The following USP54 variants were observed in gnomAD, a reference collection of about 807,000 sequenced individuals.
The protein encoded by USP54 is ubiquitin specific peptidase 54.
USP54 carries 87 observed loss-of-function variants against 170.5 expected under a neutral mutation model. The ratio of observed to expected loss-of-function variants is 0.51; its 90% CI spans 0.43 to 0.61. USP54 has a LOEUF of 0.61. Among genes scored for constraint, USP54 ranks in the 20% least tolerant of loss-of-function variants. USP54 has a pLI of 0.00. For missense variants in USP54, 1,786 were observed against 2,047.8 expected, an observed-to-expected ratio of 0.87 and a Z score of 2.47; for synonymous variants, 655 against 742.8, an observed-to-expected ratio of 0.88 and a Z score of 1.92.
chr10:73,613,409 G>T (rs997384876), intron 1 of USP54, among the ~76,000 whole-genome samples: 4 of 151,096 alleles, frequency 2.6e-5, no homozygotes, highest in Non-Finnish European at 5.9e-5. Flanking sequence ...AAGTGCTGGG[G>T]TTACAGGCGT....
chr10:73,499,609 T>A (rs956245521), intron 23 of USP54: 1 of 159,482 alleles, frequency 6.3e-6, no homozygotes, highest in South Asian at 1.7e-4. Flanking sequence ...GGGATCTCAC[T>A]GTGTTGCCCA....
chr10:73,571,650 TA>T, intron 3 of USP54, 137 bp from the exon 4 acceptor site: 1 of 589,836 alleles, frequency 1.7e-6, no homozygotes, highest in Non-Finnish European at 2.9e-6. Context: ...TCTAGTATAT[TA>T]AAACAAATGT....
intron 1 of USP54, among the ~76,000 whole-genome samples, chr10:73,598,761 A>G (rs2078939999): frequency 6.6e-6 from 1 of 152,192 alleles, no homozygotes; most frequent in Non-Finnish European, 1.5e-5. Flanking sequence ...AATAAAAATA[A>G]AAATAAAAAT....
Position 73,498,543 on chromosome 10 carries a change from G to A in USP54, c.*86C>T. The A allele has an allele frequency of 7.4e-7, 1 of 1,356,914 alleles. No homozygotes were observed. The highest frequency in any genetic ancestry group is 9.9e-7 in the Non-Finnish European group (1 of 1,012,154). The allele number at this position is 1,356,914 out of a possible 1,614,324, so 84.1% of individuals were successfully genotyped here. On this transcript the variant is annotated 3_prime_UTR_variant, in exon 24 of 24. Coordinates refer to ENST00000687698, the MANE Select transcript of USP54 (RefSeq NM_001391956.1). ...CCCGCCTCAGCCTCCCAAAGTGCTG[G>A]GATTACAGGTGTGAGCCACCGCGCC... is the stretch of plus-strand genomic sequence containing the variant.
chr10:73,569,902 C>CA (rs34676499), intron 4 of USP54, among the ~76,000 whole-genome samples: 261 of 18,694 alleles, frequency 0.014, 65 homozygotes, highest in Non-Finnish European at 0.024. Flanking sequence ...ATTTCATCTC[C>CA]AAAAAAAAAA....
In USP54 at chr10:73,498,664, T is replaced by C; in HGVS notation, c.5020A>G (p.Ile1674Val). ...VLSDAPRREQ[I>V]RARVLQHSQW is the part of the protein sequence containing the mutation. ...CTGTGCTGCAGGACTCTAGCCCTGA[T>C]CTGCTCTCTTCTGGGAGCATCTGAT... Residue 1674 changes from isoleucine to valine, a missense_variant, in exon 24 of 24, where the codon ATC becomes GTC. Physicochemically the swap from Ile to Val is conservative, Grantham distance 29 (BLOSUM62 3). Transcript: ENST00000687698. 1.3e-6 allele frequency: 2 copies of C among 1,578,226 alleles called. No individual in the cohort carries two copies. Among genetic ancestry groups the C allele is most frequent in the Non-Finnish European group, 8.6e-7 (1 of 1,161,282 alleles).
At chr10:73,620,708 C>T (rs1449024416) in intron 1 of USP54, among the ~76,000 whole-genome samples, 6 of 150,266 alleles carry the variant, frequency 4.0e-5, no homozygotes, top group African/African-American at 1.3e-4. Flanking sequence ...GAGGCCAAAG[C>T]GGGTCAATCA....
At chr10:73,530,654 G>A (rs757754402) in intron 13 of USP54, 50 bp downstream of exon 13, 1 of 1,607,386 alleles carries the variant, frequency 6.2e-7, no homozygotes, top group Non-Finnish European at 8.5e-7. Context: ...CATGACAGAA[G>A]TTTGATAGAG....
intron 1 of USP54, among the ~76,000 whole-genome samples, chr10:73,617,756 T>A (rs1048238834): frequency 3.4e-5 from 5 of 149,250 alleles, no homozygotes; most frequent in African/African-American, 2.6e-5. Flanking sequence ...AAAACTTTTT[T>A]AAAATTAGCT....
intron 1 of USP54, among the ~76,000 whole-genome samples, chr10:73,584,351 G>A (rs2077235913): frequency 6.6e-6 from 1 of 152,050 alleles, no homozygotes; most frequent in South Asian, 2.1e-4. Context: ...TCACGCCACT[G>A]CACTCCAGCC....
Position 73,530,371 on chromosome 10 carries a change from C to T in USP54, c.1600G>A (p.Gly534Ser). 3.1e-6 allele frequency: 5 copies of T among 1,614,046 alleles called. No individual in the cohort carries two copies. The highest frequency in any genetic ancestry group is 3.4e-6 in the Non-Finnish European group (4 of 1,180,016). ...TTGTCAGGCTGGTCTCCTCCTCTGCCCCTGCAGTGAGAGCCTACATTGGTC... is the reference window on the plus strand; with the variant it reads ...TTGTCAGGCTGGTCTCCTCCTCTGCTCCTGCAGTGAGAGCCTACATTGGTC... ...SQTNVGSHCR[G>S]RGGDQPDKKP... is the part of the protein sequence containing the mutation. The change falls in exon 14 of 24, where the codon GGC becomes AGC. Residue 534 changes from glycine to serine, a missense_variant. Transcript: ENST00000687698.
intron 15 of USP54, among the ~76,000 whole-genome samples, chr10:73,527,413 G>T (rs764026831): frequency 6.7e-5 from 10 of 149,398 alleles, no homozygotes; most frequent in Admixed American, 4.7e-4. Context: ...CAGGAGAATC[G>T]CTTGAACCCA....
chr10:73,614,517 G>A lies in USP54; in HGVS notation c.-18+11050C>T, dbSNP rs150351262. Among the ~76,000 whole-genome samples the A allele has an allele frequency of 1.5e-4, 20 of 130,818 alleles. 1 individual carries two copies. The highest frequency in any genetic ancestry group is 5.5e-4 in the African/African-American group (17 of 30,972). The allele number at this position is 130,818 out of a possible 152,430, so 85.8% of individuals were successfully genotyped here. A position where few individuals can be genotyped will look rare whatever the true frequency, so the allele number is the denominator to read the frequency against. On this transcript the variant is annotated intron_variant, in intron 1 of 22. Transcript: ENST00000339859. ...GGATGTTGCAGTGAGCCGAGATCACGCCACGGCACTCCAGCCTAGGCAACA... is the reference window on the plus strand; with the variant it reads ...GGATGTTGCAGTGAGCCGAGATCACACCACGGCACTCCAGCCTAGGCAACA...
At chr10:73,595,906 T>C (rs574824650), upstream of USP54, among the ~76,000 whole-genome samples, 101 of 151,838 alleles carry the variant, frequency 6.7e-4, no homozygotes, top group Non-Finnish European at 1.1e-3. Context: ...GGTTAGGATT[T>C]TGAGACCAGC....
At position 73,543,124 on chromosome 10, in the gene USP54, A is replaced by T; in HGVS notation, c.383T>A (p.Leu128His). The T allele has an allele frequency of 6.2e-7, 1 of 1,612,842 alleles. No homozygotes were observed. The highest frequency in any genetic ancestry group is 8.5e-7 in the Non-Finnish European group (1 of 1,178,818). Reference protein sequence around the residue: ...MDDAAECFENLLMRIHFHIAD... With the variant: ...MDDAAECFENHLMRIHFHIAD... ...AATGTGGAAGTGAATTCTCATCAGG[A>T]GGTTTTCCTGACAGGGAAAGAACAA... Residue 128 changes from leucine (L) to histidine (H), a missense_variant, in exon 6 of 24, where the codon CTC becomes CAC. Around this residue, in one of 3 missense-constraint regions of USP54, gnomAD observed 361 missense variants for 455.0 expected, o/e 0.79. Transcript: ENST00000687698.
intron 3 of USP54, among the ~76,000 whole-genome samples, chr10:73,572,245 A>G (rs759365985): frequency 3.3e-5 from 5 of 152,180 alleles, no homozygotes; most frequent in Non-Finnish European, 7.3e-5. Context: ...AAAAACATAA[A>G]CATTCTGAGA....
At chr10:73,598,394 C>G (rs2078898701) in intron 1 of USP54, among the ~76,000 whole-genome samples, 1 of 152,152 alleles carries the variant, frequency 6.6e-6, no homozygotes, top group African/African-American at 2.4e-5. Flanking sequence ...TAGAAGAAAA[C>G]ATAGACATAA....
chr10:73,533,178 C>T (rs1207072320), intron 12 of USP54, among the ~76,000 whole-genome samples: 2 of 152,012 alleles, frequency 1.3e-5, no homozygotes, highest in South Asian at 4.2e-4. Context: ...TGGTGGCGGG[C>T]GCCTGTGGTC....
chr10:73,505,730 C>T (rs1265815963), intron 20 of USP54: 6 of 189,518 alleles, frequency 3.2e-5, no homozygotes, highest in African/African-American at 9.5e-5. Context: ...ATTAGCCGGG[C>T]GTGGTGGCAG....
Sources: gnomAD v4.1 joint callset for allele counts (sites outside exome capture counted in the v4.1 genomes callset) on GRCh38, gnomAD v4.1.1 for gene constraint, gnomAD v4.1.1 regional missense constraint, MANE v1.5 for transcripts, NCBI Gene and HGNC (gene_info 2026-07-23, HGNC 2026-07-21) for gene names.